Variants in FHL2 observed in about 807,000 individuals in gnomAD.
FHL2 encodes four and a half LIM domains protein 2.
Under a neutral mutation model 32.7 loss-of-function variants are expected in FHL2, and 20 were observed. That is an observed-to-expected ratio of 0.61 (90% CI 0.43 to 0.89). The LOEUF (loss-of-function observed/expected upper bound fraction) is 0.89, where lower values mean the gene tolerates loss of function less well. Ranked by LOEUF, FHL2 falls within the 40% of genes least tolerant of loss-of-function variation. The probability of loss-of-function intolerance (pLI) is 0.00; values close to 1 mark genes in which losing one functional copy is unlikely to be tolerated. For missense variants in FHL2, 311 were observed against 358.6 expected (o/e 0.87, Z 1.07); for synonymous variants, 123 against 128.1 (o/e 0.96, Z 0.27).
Position 105,366,634 on chromosome 2 carries a change from G to T in FHL2, c.501+936C>A, listed in dbSNP as rs190727903. Reference sequence around the variant, plus strand: ...ACACCCTGAAGGGTGCAGGTCGGGGGGCAACTGGGCAGAGAGATGGCTTCC... The same window carrying T: ...ACACCCTGAAGGGTGCAGGTCGGGGTGCAACTGGGCAGAGAGATGGCTTCC... On this transcript the variant is annotated intron_variant, in intron 5 of 6. Transcript: ENST00000530340. Among the ~76,000 whole-genome samples, 46 of 152,316 alleles carry T rather than the reference G, an allele frequency of 3.0e-4. No homozygotes were observed. The South Asian group carries it at 8.3e-3, about 27-fold the overall frequency.
intron 1 of FHL2, among the ~76,000 whole-genome samples, chr2:105,422,006 G>T (rs60014802): frequency 6.6e-6 from 1 of 152,138 alleles, no homozygotes; most frequent in Non-Finnish European, 1.5e-5. Context: ...GTCCTGTTGC[G>T]TGCATTGGCA....
chr2:105,395,578 T>C (rs1332430805), intron 2 of FHL2, among the ~76,000 whole-genome samples: 1 of 152,228 alleles, frequency 6.6e-6, no homozygotes, highest in Non-Finnish European at 1.5e-5. Context: ...TCTGGCGCAC[T>C]GCAACAGGAC....
At chr2:105,421,694 A>T (rs562745569) in intron 1 of FHL2, among the ~76,000 whole-genome samples, 2 of 152,264 alleles carry the variant, frequency 1.3e-5, no homozygotes, top group South Asian at 4.1e-4. Context: ...TGATTGAGAA[A>T]GTGTCTAGCT....
rs1024955854 is a variant in FHL2 at position 105,361,050 on chromosome 2, C to T, written c.*233G>A. 2.5e-6 allele frequency: 1 copy of T among 401,078 alleles called. No homozygotes were observed. Among genetic ancestry groups the T allele is most frequent in the African/African-American group, 2.0e-5 (1 of 48,930 alleles). 24.8% of individuals were successfully genotyped at this position (401,078 alleles called of 1,614,324 possible). ...CATTTGGGTGTGCCTTACTCGATTA[C>T]AAAAATTTCAAACCATCTTCCCACC... On this transcript the variant is annotated 3_prime_UTR_variant, in exon 7 of 7. Coordinates refer to ENST00000530340, the MANE Select transcript of FHL2 (RefSeq NM_001318895.3).
chr2:105,376,817 G>A (rs186254053), intron 3 of FHL2: 6 of 152,334 alleles, frequency 3.9e-5, no homozygotes, highest in African/African-American at 1.4e-4. Flanking sequence ...GCATACAATG[G>A]AATTTTATTC....
At chr2:105,405,686 T>C (rs1398709186) in intron 1 of FHL2, among the ~76,000 whole-genome samples, 7 of 152,246 alleles carry the variant, frequency 4.6e-5, no homozygotes, top group African/African-American at 1.7e-4. Flanking sequence ...GCCACCAAGG[T>C]CGTTTTGTGC....
intron 5 of FHL2, 45 bp downstream of exon 5, chr2:105,367,525 C>T: frequency 1.9e-6 from 3 of 1,558,178 alleles, no homozygotes; most frequent in African/African-American, 1.4e-5. Context: ...ACCATGGAGG[C>T]AAACCAGCCA....
intron 3 of FHL2, chr2:105,385,936 G>C (rs1244850630): frequency 3.4e-6 from 1 of 291,880 alleles, no homozygotes; most frequent in African/African-American, 2.2e-5. Flanking sequence ...ATTTATCCAG[G>C]AACCAACTCT....
At chr2:105,399,152 G>A, upstream of FHL2, 1 of 1,364,592 alleles carries the variant, frequency 7.3e-7, no homozygotes, top group Non-Finnish European at 9.4e-7. Context: ...GTGGGGCGCG[G>A]GGGGCGGGCG....
chr2:105,380,743 C>T (rs1288190401), intron 3 of FHL2, among the ~76,000 whole-genome samples: 4 of 151,736 alleles, frequency 2.6e-5, no homozygotes, highest in Non-Finnish European at 5.9e-5. Context: ...TGGAAATATC[C>T]GGTTTTAAAT....
At chr2:105,427,288 A>G (rs1321311036) in intron 1 of FHL2, among the ~76,000 whole-genome samples, 1 of 152,172 alleles carries the variant, frequency 6.6e-6, no homozygotes, top group East Asian at 1.9e-4. Flanking sequence ...TATTCCCTTT[A>G]ATTCTATTTT....
chr2:105,399,458 A>C, upstream of FHL2: 1 of 1,536,182 alleles, frequency 6.5e-7, no homozygotes, highest in Non-Finnish European at 8.7e-7. Context: ...CTCAGGAGGC[A>C]TGTGCCTGGG....
intron 1 of FHL2, among the ~76,000 whole-genome samples, chr2:105,423,009 C>A (rs564852851): frequency 1.2e-4 from 19 of 152,266 alleles, no homozygotes; most frequent in Admixed American, 4.6e-4. Context: ...GAACCCATTA[C>A]AACTCCCTCA....
At chr2:105,416,464 T>C (rs948159256) in intron 1 of FHL2, among the ~76,000 whole-genome samples, 1 of 152,162 alleles carries the variant, frequency 6.6e-6, no homozygotes, top group South Asian at 2.1e-4. Context: ...GATCATCATC[T>C]CTCTCTATAA....
chr2:105,379,254 G>A (rs1267048617), intron 3 of FHL2, among the ~76,000 whole-genome samples: 3 of 152,150 alleles, frequency 2.0e-5, no homozygotes, highest in Non-Finnish European at 2.9e-5. Flanking sequence ...ACAGTTGCTG[G>A]TATGTATTAC....
intron 3 of FHL2, among the ~76,000 whole-genome samples, chr2:105,381,446 C>T (rs909564685): frequency 1.3e-5 from 2 of 152,254 alleles, no homozygotes; most frequent in Admixed American, 6.5e-5. Context: ...TTGTCCCCTT[C>T]GCGCAGCTTG....
chr2:105,404,172 A>T (rs1683559209), upstream of FHL2, among the ~76,000 whole-genome samples: 1 of 152,212 alleles, frequency 6.6e-6, no homozygotes, highest in African/African-American at 2.4e-5. Context: ...TCGTTACCCT[A>T]ACTGACCACT....
At chr2:105,407,264 C>T (rs569025160) in intron 1 of FHL2, among the ~76,000 whole-genome samples, 12 of 151,774 alleles carry the variant, frequency 7.9e-5, no homozygotes, top group Non-Finnish European at 1.0e-4. Flanking sequence ...TGGTGGCGGG[C>T]GCCTGTAGTC....
intron 1 of FHL2, among the ~76,000 whole-genome samples, chr2:105,422,479 T>G (rs576390030): frequency 1.3e-5 from 2 of 152,270 alleles, no homozygotes; most frequent in Non-Finnish European, 2.9e-5. Flanking sequence ...TTATTTATAG[T>G]TTCCTCTTGG....
Sources: allele counts gnomAD v4.1 joint callset (sites outside exome capture counted in the v4.1 genomes callset), GRCh38; gene constraint gnomAD v4.1.1; transcripts MANE v1.5; gene names NCBI Gene and HGNC (gene_info 2026-07-23, HGNC 2026-07-21).